DEPDC5: variants seen among roughly 807,000 people sequenced by gnomAD.
DEPDC5 encodes the protein DEP domain containing 5, GATOR1 subcomplex subunit.
A neutral mutation model predicts 217.3 loss-of-function variants in DEPDC5; 73 were observed. The ratio of observed to expected loss-of-function variants is 0.34; its 90% CI spans 0.28 to 0.41. The LOEUF (loss-of-function observed/expected upper bound fraction) is 0.41. Ranked by LOEUF, DEPDC5 falls within the 10% of genes least tolerant of loss-of-function variation. The pLI is 1.00. For synonymous variants in DEPDC5, 733 were observed against 756.7 expected (o/e 0.97, Z 0.51); for missense variants, 1,675 against 2,070.1 (o/e 0.81, Z 3.70).
At chr22:31,889,657 C>T (rs890346012) in intron 38 of DEPDC5, among the ~76,000 whole-genome samples, 6 of 151,046 alleles carry the variant, frequency 4.0e-5, no homozygotes, top group Non-Finnish European at 8.8e-5. Context: ...TCTCCTGCCT[C>T]AGCCTCCCAA....
chr22:31,868,564 C>T (rs755134425), intron 33 of DEPDC5, among the ~76,000 whole-genome samples: 8 of 152,152 alleles, frequency 5.3e-5, no homozygotes, highest in Admixed American at 1.3e-4. Context: ...GTAGCTGGGA[C>T]TACAGGCGTG....
chr22:31,803,613 A>G (rs1359007820), intron 15 of DEPDC5, among the ~76,000 whole-genome samples: 1 of 151,722 alleles, frequency 6.6e-6, no homozygotes, highest in Admixed American at 6.6e-5. Context: ...CCCCAATTTG[A>G]TTTGTTTCAT....
chr22:31,874,544 T>C (rs1569170987), intron 36 of DEPDC5, 139 bp downstream of exon 36: 3 of 1,045,544 alleles, frequency 2.9e-6, no homozygotes, highest in South Asian at 1.9e-5. Flanking sequence ...GGGAGGCCTT[T>C]CTGGAATTGA....
intron 24 of DEPDC5, among the ~76,000 whole-genome samples, chr22:31,828,572 T>C (rs1422204829): frequency 6.6e-6 from 1 of 152,168 alleles, no homozygotes; most frequent in Non-Finnish European, 1.5e-5. Flanking sequence ...TCTCTAATGC[T>C]TTTCTTTCTT....
chr22:31,785,532 A>G (rs913694751), intron 10 of DEPDC5, among the ~76,000 whole-genome samples: 3 of 152,142 alleles, frequency 2.0e-5, no homozygotes, highest in African/African-American at 7.2e-5. Context: ...TGAATTTGGC[A>G]ATACTACCCA....
At chr22:31,774,617 G>GA (rs1339254806) in intron 7 of DEPDC5, among the ~76,000 whole-genome samples, 2 of 149,854 alleles carry the variant, frequency 1.3e-5, no homozygotes, top group Non-Finnish European at 3.0e-5. Context: ...TAAGTGGGCA[G>GA]ATTGCTTGAG....
At chr22:31,891,262 C>A (rs535685765) in intron 38 of DEPDC5, 18 of 525,108 alleles carry the variant, frequency 3.4e-5, no homozygotes, top group South Asian at 3.1e-4. Flanking sequence ...TCTTTAATTA[C>A]CTCTTAATGC....
At chr22:31,814,891 T>C in intron 20 of DEPDC5, 101 bp from the exon 21 acceptor site, 3 of 1,295,770 alleles carry the variant, frequency 2.3e-6, no homozygotes, top group Non-Finnish European at 3.3e-6. Flanking sequence ...ATTTTTGTTA[T>C]TGGGTTCCAT....
intron 38 of DEPDC5, among the ~76,000 whole-genome samples, chr22:31,881,549 C>G (rs945200586): frequency 4.6e-5 from 7 of 152,112 alleles, no homozygotes; most frequent in African/African-American, 1.7e-4. Flanking sequence ...GTGCTCACTT[C>G]CAGCAACCTA....
At chr22:31,842,342 G>A (rs1036803341) in intron 27 of DEPDC5, among the ~76,000 whole-genome samples, 3 of 152,170 alleles carry the variant, frequency 2.0e-5, no homozygotes, top group Non-Finnish European at 4.4e-5. Flanking sequence ...TCGGGAGGCC[G>A]AGGCGAGTGG....
At chr22:31,767,612 G>T (rs1472788132) in intron 6 of DEPDC5, among the ~76,000 whole-genome samples, 1 of 151,306 alleles carries the variant, frequency 6.6e-6, no homozygotes, top group Non-Finnish European at 1.5e-5. Flanking sequence ...TGTATTTTTA[G>T]TAGAGGTGGG....
At chr22:31,820,169 T>A (rs1474938674) in intron 22 of DEPDC5, among the ~76,000 whole-genome samples, 1 of 152,104 alleles carries the variant, frequency 6.6e-6, no homozygotes, top group Non-Finnish European at 1.5e-5. Context: ...TGGAGTACAG[T>A]GGCGTGATCT....
At chr22:31,900,521 C>T (rs901904767) in intron 40 of DEPDC5, among the ~76,000 whole-genome samples, 2 of 149,372 alleles carry the variant, frequency 1.3e-5, no homozygotes, top group East Asian at 4.2e-4. Flanking sequence ...GGCAGATCAC[C>T]TGAGGTCAGC....
rs543682541 is a variant in DEPDC5 at position 31,790,463 on chromosome 22, C to G, written c.625-1570C>G. Among the ~76,000 whole-genome samples, 469 of 152,230 alleles carry G rather than the reference C, an allele frequency of 3.1e-3. 1 individual carries two copies. Among genetic ancestry groups the G allele is most frequent in the Non-Finnish European group, 5.0e-3 (342 of 68,020 alleles). On this transcript the variant is annotated intron_variant, in intron 10 of 42. Transcript: ENST00000651528. ...ATGTTTATTCTCATTAGTCCCTGTC[C>G]CTGTCCAAAGGTAGTTCTTTGCCTT...
At chr22:31,886,817 T>TC (rs1229198948) in intron 38 of DEPDC5, among the ~76,000 whole-genome samples, 2 of 136,086 alleles carry the variant, frequency 1.5e-5, no homozygotes, top group Non-Finnish European at 3.1e-5. Context: ...ACGCCTGTAA[T>TC]CCCAGCACTT....
chr22:31,780,817 C>T (rs1006641520), intron 8 of DEPDC5, among the ~76,000 whole-genome samples: 1 of 152,186 alleles, frequency 6.6e-6, no homozygotes, highest in Non-Finnish European at 1.5e-5. Context: ...GCAAGGACTG[C>T]ATCTTTAACC....
chr22:31,769,001 C>G (rs1461473758), intron 7 of DEPDC5, 138 bp downstream of exon 7: 1 of 1,138,108 alleles, frequency 8.8e-7, no homozygotes, highest in Non-Finnish European at 1.3e-6. Flanking sequence ...TGGCTCACGC[C>G]TGTAATCCTA....
intron 26 of DEPDC5, 130 bp from the exon 27 acceptor site, chr22:31,838,555 C>T: frequency 8.0e-7 from 1 of 1,254,830 alleles, no homozygotes. Context: ...CCAGCTCAAA[C>T]TGTTAGTTTT....
intron 31 of DEPDC5, among the ~76,000 whole-genome samples, chr22:31,854,107 A>C (rs924803677): frequency 6.6e-6 from 1 of 152,194 alleles, no homozygotes; most frequent in African/African-American, 2.4e-5. Context: ...ATACCTGAGC[A>C]TGCCCTCATG....
Sources: allele counts gnomAD v4.1 joint callset (sites outside exome capture counted in the v4.1 genomes callset), GRCh38; gene constraint gnomAD v4.1.1; transcripts MANE v1.5; gene names NCBI Gene and HGNC (gene_info 2026-07-23, HGNC 2026-07-21).